CAMTA1: variants seen among roughly 807,000 people sequenced by gnomAD.
CAMTA1 encodes calmodulin-binding transcription activator 1.
Under a neutral mutation model 170.9 loss-of-function variants are expected in CAMTA1, and 27 were observed. The ratio of observed to expected loss-of-function variants is 0.16; its 90% CI spans 0.12 to 0.22. CAMTA1 has a LOEUF of 0.22. Ranked by LOEUF, CAMTA1 falls within the 10% of genes least tolerant of loss-of-function variation. CAMTA1 has a pLI of 1.00. For missense variants in CAMTA1, 1,619 were observed against 2,217.2 expected, an observed-to-expected ratio of 0.73 and a Z score of 5.42; for synonymous variants, 833 against 891.5, an observed-to-expected ratio of 0.93 and a Z score of 1.17.
chr1:7,065,413 A>G lies in CAMTA1; in HGVS notation c.235-25891A>G, dbSNP rs1380066346. Among the ~76,000 whole-genome samples, 1 of 152,170 alleles carries G rather than the reference A, an allele frequency of 6.6e-6. No individual in the cohort carries two copies. The highest frequency in any genetic ancestry group is 2.4e-5 in the African/African-American group (1 of 41,426). ...GCCAGCGGGAAGTTTTGTAGTGAAT[A>G]TAGAGGAGACGAAAAAGAATGGGGA... On this transcript the variant is annotated intron_variant, in intron 3 of 22. Coordinates refer to ENST00000303635, the MANE Select transcript of CAMTA1 (RefSeq NM_015215.4). This position sits in a 1 kb window ranked among gnomAD's most constrained non-coding sequence, Gnocchi z 5.2.
Position 7,092,588 on chromosome 1 carries a change from C to A in CAMTA1, c.302+1217C>A, listed in dbSNP as rs1641622316. ...GGAGGAGAGTCTGTCCGCAGGAGTC[C>A]CCAAAACCTCAGCCTGCTGGAACCA... On this transcript the variant is annotated intron_variant, in intron 4 of 22. Coordinates refer to ENST00000303635, the MANE Select transcript of CAMTA1 (RefSeq NM_015215.4). The surrounding 1 kb of genome is among the most constrained non-coding windows in gnomAD (Gnocchi z 5.0). Among the ~76,000 whole-genome samples the A allele has an allele frequency of 6.6e-6, 1 of 152,138 alleles. No homozygotes were observed. Among genetic ancestry groups the A allele is most frequent in the African/African-American group, 2.4e-5 (1 of 41,392 alleles).
rs1184869477 is a variant in CAMTA1, at chr1:7,545,939, T to A, written c.510+78038T>A. The stretch of plus-strand genomic sequence containing the variant: ...ACTTACAAGTGAAAACATGTGGTGT[T>A]TGGTTTTCTTTTCTTTTCTTTTTTT... On this transcript the variant is annotated intron_variant, in intron 6 of 22. Transcript: ENST00000303635. Among the ~76,000 whole-genome samples the A allele has an allele frequency of 2.0e-5, 3 of 150,736 alleles. No individual in the cohort carries two copies. In the East Asian group the frequency reaches 5.8e-4, roughly 29 times the overall value.
At chr1:7,165,347 A>C (rs1648156497) in intron 4 of CAMTA1, among the ~76,000 whole-genome samples, 1 of 152,214 alleles carries the variant, frequency 6.6e-6, no homozygotes, top group Non-Finnish European at 1.5e-5. Flanking sequence ...CTTAAAAAGA[A>C]AGAAAACATA....
At chr1:7,022,975 C>A (rs924734038) in intron 3 of CAMTA1, among the ~76,000 whole-genome samples, 2 of 152,126 alleles carry the variant, frequency 1.3e-5, no homozygotes, top group African/African-American at 4.8e-5. Flanking sequence ...CCACAGTAAA[C>A]CCCTTAAGGG....
rs1184177358 is a variant in CAMTA1, at chr1:7,173,193, G to A, written c.303-76298G>A. On this transcript the variant is annotated intron_variant, in intron 4 of 22. Transcript: ENST00000303635. The surrounding 1 kb of genome is among the most constrained non-coding windows in gnomAD (Gnocchi z 5.4). ...CTTGAGGGTCACTATGTCTATGTTT[G>A]CATCCCAGCTTTACAGCTTCCCAGT... is the stretch of plus-strand genomic sequence containing the variant. Among the ~76,000 whole-genome samples the A allele has an allele frequency of 6.6e-6, 1 of 152,162 alleles. No individual in the cohort carries two copies. Among genetic ancestry groups the A allele is most frequent in the Non-Finnish European group, 1.5e-5 (1 of 68,020 alleles).
At chr1:7,724,830 A>T (rs2149817225) in intron 11 of CAMTA1, among the ~76,000 whole-genome samples, 1 of 152,134 alleles carries the variant, frequency 6.6e-6, no homozygotes, top group African/African-American at 2.4e-5. Context: ...AAAAAAAAAA[A>T]AAAAAAAGAT....
In CAMTA1 at chr1:7,640,495, C is replaced by T; in HGVS notation, c.606C>T (p.Asp202=). 1 of 1,614,222 alleles carries T rather than the reference C, an allele frequency of 6.2e-7. No homozygotes were observed. The highest frequency in any genetic ancestry group is 1.6e-4 in the Middle Eastern group (1 of 6,062). The change falls in exon 7 of 23, where the codon GAC becomes GAT. Residue 202 remains aspartate (D), a synonymous_variant. Coordinates refer to ENST00000303635, the MANE Select transcript of CAMTA1 (RefSeq NM_015215.4). ...CCATCCTCTGCTCCATCAACACCGA[C>T]AAGAAGGAGTGGGCGAAATGGACGA... ...CGPILCSINT[D]KKEWAKWTKE...
intron 5 of CAMTA1, among the ~76,000 whole-genome samples, chr1:7,450,079 G>A (rs1009419737): frequency 2.6e-5 from 4 of 152,148 alleles, no homozygotes; most frequent in African/African-American, 9.6e-5. Context: ...CAGCCCAGCA[G>A]GGATGCGGCC....
At chr1:7,726,992 C>A (rs1338854756) in intron 11 of CAMTA1, among the ~76,000 whole-genome samples, 1 of 152,172 alleles carries the variant, frequency 6.6e-6, no homozygotes, top group Admixed American at 6.5e-5. Context: ...CTAAGGACAT[C>A]CACTTGGAAG....
Position 7,663,349 on chromosome 1 carries a change from G to T in CAMTA1, c.806-4G>T. On this transcript the variant is annotated splice_region_variant and splice_polypyrimidine_tract_variant and intron_variant, in intron 8 of 22. Coordinates refer to ENST00000303635, the MANE Select transcript of CAMTA1 (RefSeq NM_015215.4). ...GTGCGCGTGTTGTGTTCCGATCTCCGCAGGAGCTGGCGGCAGCGTGCATCA... is the reference window on the plus strand; with the variant it reads ...GTGCGCGTGTTGTGTTCCGATCTCCTCAGGAGCTGGCGGCAGCGTGCATCA... The T allele has an allele frequency of 6.6e-7, 1 of 1,525,102 alleles. No homozygotes were observed. Among genetic ancestry groups the T allele is most frequent in the Non-Finnish European group, 8.8e-7 (1 of 1,134,194 alleles). 94.5% of individuals were successfully genotyped at this position (1,525,102 alleles called of 1,614,324 possible). A position where few individuals can be genotyped will look rare whatever the true frequency, so the allele number is the denominator to read the frequency against.
chr1:7,048,834 C>G (rs1326561020), intron 3 of CAMTA1, among the ~76,000 whole-genome samples: 3 of 152,220 alleles, frequency 2.0e-5, no homozygotes, highest in Non-Finnish European at 4.4e-5. Context: ...CCACTTGAAG[C>G]AGAGCTTTGT....
chr1:7,059,339 G>A lies in CAMTA1; in HGVS notation c.235-31965G>A, dbSNP rs1173671639. On this transcript the variant is annotated intron_variant, in intron 3 of 22. Coordinates refer to ENST00000303635, the MANE Select transcript of CAMTA1 (RefSeq NM_015215.4). Reference sequence around the variant, plus strand: ...TTAGAGGAGTTTAAGAAATCTTGGCGGGGCATGGTGGCTCACGCCTATAAT... The same window carrying A: ...TTAGAGGAGTTTAAGAAATCTTGGCAGGGCATGGTGGCTCACGCCTATAAT... Among the ~76,000 whole-genome samples the A allele has an allele frequency of 3.9e-5, 6 of 152,162 alleles. No individual in the cohort carries two copies. In the South Asian group the frequency reaches 6.2e-4, roughly 16 times the overall value.
chr1:7,686,058 G>A (rs748568858), intron 11 of CAMTA1, among the ~76,000 whole-genome samples: 8 of 152,074 alleles, frequency 5.3e-5, no homozygotes, highest in African/African-American at 1.4e-4. Context: ...AATTGTGCAC[G>A]TCCTAACCAG....
rs879929779 is a variant in CAMTA1 at position 7,173,050 on chromosome 1, C to T, written c.303-76441C>T. ...GGAGCGTGGCTGGGGACAGGCTGTG[C>T]GGGAGGCGCAGGGGTGAGGCTCCGA... is the stretch of plus-strand genomic sequence containing the variant. On this transcript the variant is annotated intron_variant, in intron 4 of 22. Coordinates refer to ENST00000303635, the MANE Select transcript of CAMTA1 (RefSeq NM_015215.4). This position sits in a 1 kb window ranked among gnomAD's most constrained non-coding sequence, Gnocchi z 5.4. Among the ~76,000 whole-genome samples the T allele has an allele frequency of 2.0e-5, 3 of 152,168 alleles. No individual in the cohort carries two copies. The highest frequency in any genetic ancestry group is 1.3e-4 in the Admixed American group (2 of 15,286).
chr1:6,990,823 A>T (rs991985392), intron 3 of CAMTA1, among the ~76,000 whole-genome samples: 1 of 148,698 alleles, frequency 6.7e-6, no homozygotes, highest in Non-Finnish European at 1.5e-5. Context: ...ATATATATTT[A>T]TATATATATG....
At chr1:6,819,656 T>C (rs903312051) in intron 1 of CAMTA1, among the ~76,000 whole-genome samples, 1 of 152,248 alleles carries the variant, frequency 6.6e-6, no homozygotes, top group Admixed American at 6.5e-5. Flanking sequence ...TTCTCACATA[T>C]GTATCTAAAA....
intron 4 of CAMTA1, among the ~76,000 whole-genome samples, chr1:7,175,981 G>A (rs1650728761): frequency 6.6e-6 from 1 of 152,180 alleles, no homozygotes; most frequent in African/African-American, 2.4e-5. Context: ...CTCTGAAGTG[G>A]GTCAGCAAAG....
intron 6 of CAMTA1, among the ~76,000 whole-genome samples, chr1:7,590,120 C>T (rs1033110788): frequency 6.6e-6 from 1 of 152,164 alleles, no homozygotes; most frequent in African/African-American, 2.4e-5. Context: ...CCTATTTGCC[C>T]GTACAGGGTG....
chr1:7,567,554 A>G (rs895418761), intron 6 of CAMTA1, among the ~76,000 whole-genome samples: 13 of 152,198 alleles, frequency 8.5e-5, no homozygotes, highest in African/African-American at 3.1e-4. Context: ...AGACAGGCCA[A>G]TAGGCCCAAC....
Sources: gnomAD v4.1 joint callset for allele counts (sites outside exome capture counted in the v4.1 genomes callset) on GRCh38, gnomAD v4.1.1 for gene constraint, Gnocchi (gnomAD v3.1) non-coding constraint, MANE v1.5 for transcripts, NCBI Gene and HGNC (gene_info 2026-07-23, HGNC 2026-07-21) for gene names.